RPS6KC1: variants seen among roughly 807,000 people sequenced by gnomAD.
The protein encoded by RPS6KC1 is ribosomal protein S6 kinase C1.
RPS6KC1 carries 54 observed loss-of-function variants against 103.8 expected under a neutral mutation model. That is an observed-to-expected ratio of 0.52 (90% CI 0.42 to 0.65). The LOEUF (loss-of-function observed/expected upper bound fraction) is 0.65. Among genes scored for constraint, RPS6KC1 ranks in the 30% least tolerant of loss-of-function variants. The probability of loss-of-function intolerance (pLI) is 0.00; values close to 1 mark genes in which losing one functional copy is unlikely to be tolerated. For synonymous variants in RPS6KC1, 439 were observed against 438.7 expected (o/e 1.00, Z -0.01); for missense variants, 1,151 against 1,253.8 (o/e 0.92, Z 1.24).
chr1:213,160,430 G>A (rs1444412655), intron 6 of RPS6KC1, among the ~76,000 whole-genome samples: 1 of 152,110 alleles, frequency 6.6e-6, no homozygotes, highest in Admixed American at 6.5e-5. Context: ...GTCCAATCAT[G>A]CATCTTTTGG....
chr1:213,368,392 A>G, the RPS6KC1 span, among the ~76,000 whole-genome samples: 4,688 of 152,248 alleles, frequency 0.031, 253 homozygotes, highest in African/African-American at 0.11. Context: ...ACGAGAGGGT[A>G]GGTCCTTGTG....
At chr1:213,606,259 G>A in the RPS6KC1 span, among the ~76,000 whole-genome samples, 1 of 152,206 alleles carries the variant, frequency 6.6e-6, no homozygotes, top group Non-Finnish European at 1.5e-5. Flanking sequence ...TATTTTTGTA[G>A]TGTGGCTTCT....
intron 6 of RPS6KC1, among the ~76,000 whole-genome samples, chr1:213,157,996 T>A (rs1443272056): frequency 2.0e-5 from 3 of 152,222 alleles, no homozygotes; most frequent in Admixed American, 6.5e-5. Flanking sequence ...CTCTTATGAT[T>A]ACTTTTTGCA....
the RPS6KC1 span, among the ~76,000 whole-genome samples, chr1:213,808,280 G>C: frequency 6.6e-6 from 1 of 152,210 alleles, no homozygotes; most frequent in South Asian, 2.1e-4. Context: ...CTCCAGCTAC[G>C]TGCTGGGAGA....
chr1:213,223,651 A>T (rs1317532344), intron 8 of RPS6KC1, among the ~76,000 whole-genome samples: 2 of 152,184 alleles, frequency 1.3e-5, no homozygotes, highest in African/African-American at 4.8e-5. Flanking sequence ...TGCAGTTGCT[A>T]ATCGTGCTGC....
At chr1:213,643,912 C>G in the RPS6KC1 span, among the ~76,000 whole-genome samples, 1 of 151,588 alleles carries the variant, frequency 6.6e-6, no homozygotes, top group Non-Finnish European at 1.5e-5. Context: ...ATTTTTAAAC[C>G]CATTAATTAT....
At chr1:213,826,920 A>G in the RPS6KC1 span, among the ~76,000 whole-genome samples, 1 of 152,188 alleles carries the variant, frequency 6.6e-6, no homozygotes, top group African/African-American at 2.4e-5. Flanking sequence ...GTCCCATCAC[A>G]TTGCTACACT....
the RPS6KC1 span, among the ~76,000 whole-genome samples, chr1:213,634,781 A>G: frequency 6.6e-6 from 1 of 151,078 alleles, no homozygotes; most frequent in East Asian, 1.9e-4. Flanking sequence ...GGGGAAATAA[A>G]AAATCCATAA....
the RPS6KC1 span, among the ~76,000 whole-genome samples, chr1:213,738,856 A>C: frequency 6.6e-6 from 1 of 150,444 alleles, no homozygotes; most frequent in African/African-American, 2.4e-5. Flanking sequence ...AAATAAATAA[A>C]TAAATAAATA....
At chr1:213,594,895 T>C in the RPS6KC1 span, among the ~76,000 whole-genome samples, 2 of 151,918 alleles carry the variant, frequency 1.3e-5, no homozygotes, top group Non-Finnish European at 2.9e-5. Flanking sequence ...GTGAAGCCCA[T>C]CCTGCTTGGA....
At chr1:213,706,334 G>A in the RPS6KC1 span, among the ~76,000 whole-genome samples, 4 of 152,268 alleles carry the variant, frequency 2.6e-5, no homozygotes, top group Non-Finnish European at 5.9e-5. Context: ...GCATCAGCTA[G>A]GTTTGGTTTT....
At chr1:213,133,073 C>G (rs1438311923) in intron 6 of RPS6KC1, among the ~76,000 whole-genome samples, 1 of 152,160 alleles carries the variant, frequency 6.6e-6, no homozygotes, top group Non-Finnish European at 1.5e-5. Context: ...CTCTTTGAAC[C>G]TGACACTTCA....
chr1:213,185,584 G>A (rs1270635289), intron 8 of RPS6KC1, among the ~76,000 whole-genome samples: 1 of 152,060 alleles, frequency 6.6e-6, no homozygotes, highest in Non-Finnish European at 1.5e-5. Flanking sequence ...GGAGGCAGAG[G>A]TTGTAGTCAG....
the RPS6KC1 span, among the ~76,000 whole-genome samples, chr1:213,780,891 C>T: frequency 9.9e-5 from 15 of 152,050 alleles, no homozygotes; most frequent in East Asian, 3.9e-4. Flanking sequence ...GATGTGGTGG[C>T]GTGCACCTGT....
chr1:213,541,230 G>A, the RPS6KC1 span, among the ~76,000 whole-genome samples: 3 of 83,948 alleles, frequency 3.6e-5, no homozygotes, highest in Admixed American at 2.3e-4. Context: ...AACATTTCGC[G>A]ATTAAGTTTT....
the RPS6KC1 span, among the ~76,000 whole-genome samples, chr1:213,574,953 G>T: frequency 1.3e-5 from 2 of 152,126 alleles, no homozygotes; most frequent in African/African-American, 4.8e-5. Flanking sequence ...CTGGATTGGA[G>T]GAGGTGGAAT....
In RPS6KC1 at chr1:213,115,896, G is replaced by C. The variant is rs868144779; in HGVS notation, c.379-1421G>C. Among the ~76,000 whole-genome samples, 456 of 152,304 alleles carry C rather than the reference G, an allele frequency of 3.0e-3. 2 individuals are homozygous for C. The highest frequency in any genetic ancestry group is 9.6e-3 in the African/African-American group (398 of 41,556). On this transcript the variant is annotated intron_variant, in intron 4 of 14. Coordinates refer to ENST00000366960, the MANE Select transcript of RPS6KC1 (RefSeq NM_012424.6). ...GTTTCTTAATCCTGAGTTCTAGTTT[G>C]ATTGCACTGTGGTCTGAGAGATATT... is the stretch of plus-strand genomic sequence containing the variant.
chr1:213,545,860 T>C, the RPS6KC1 span, among the ~76,000 whole-genome samples: 1 of 152,166 alleles, frequency 6.6e-6, no homozygotes, highest in Admixed American at 6.5e-5. Context: ...TCATTCCTCT[T>C]GTGTGTGTTC....
At chr1:213,262,677 T>G (rs747694187) in intron 13 of RPS6KC1, 44 bp from the exon 14 acceptor site, 2 of 1,203,024 alleles carry the variant, frequency 1.7e-6, no homozygotes, top group Non-Finnish European at 2.5e-6. Flanking sequence ...GAACAAAATA[T>G]GATGTTATTT....
Sources: allele counts gnomAD v4.1 joint callset (sites outside exome capture counted in the v4.1 genomes callset), GRCh38; gene constraint gnomAD v4.1.1; transcripts MANE v1.5; gene names NCBI Gene and HGNC (gene_info 2026-07-23, HGNC 2026-07-21).